The following SH3RF2 variants were observed in gnomAD, a reference collection of about 807,000 sequenced individuals.
The protein encoded by SH3RF2 is E3 ubiquitin-protein ligase SH3RF2.
SH3RF2 carries 43 observed loss-of-function variants against 59.0 expected under a neutral mutation model. The ratio of observed to expected loss-of-function variants is 0.73; its 90% confidence interval spans 0.57 to 0.94. SH3RF2 has a LOEUF of 0.94. Among genes scored for constraint, SH3RF2 ranks in the 40% least tolerant of loss-of-function variants. SH3RF2 has a pLI of 0.00. For synonymous variants in SH3RF2, 391 were observed against 391.5 expected, an observed-to-expected ratio of 1.00 and a Z score of 0.01; for missense variants, 930 against 940.1, an observed-to-expected ratio of 0.99 and a Z score of 0.14.
intron 3 of SH3RF2, among the ~76,000 whole-genome samples, chr5:146,002,791 G>A (rs1760481563): frequency 6.6e-6 from 1 of 152,182 alleles, no homozygotes; most frequent in South Asian, 2.1e-4. Context: ...TGTGAACTGC[G>A]CATGCAAGGG....
intron 4 of SH3RF2, among the ~76,000 whole-genome samples, chr5:146,005,303 T>G (rs939007149): frequency 2.6e-5 from 4 of 152,212 alleles, no homozygotes; most frequent in Non-Finnish European, 2.9e-5. Flanking sequence ...GAGGTTTCAT[T>G]GTTTAGCTGC....
chr5:146,066,893 T>C (rs1219297767), downstream of SH3RF2, among the ~76,000 whole-genome samples: 1 of 152,088 alleles, frequency 6.6e-6, no homozygotes, highest in Non-Finnish European at 1.5e-5. Context: ...CTTTGCCCCG[T>C]GGTCAGACTC....
At chr5:145,953,919 C>T (rs888870445) in intron 2 of SH3RF2, among the ~76,000 whole-genome samples, 9 of 152,124 alleles carry the variant, frequency 5.9e-5, no homozygotes, top group South Asian at 2.1e-4. Flanking sequence ...TAGTATTTCA[C>T]GGTGTATATA....
rs1351720646 is a variant in SH3RF2 at position 145,965,062 on chromosome 5, A to T, written c.378+26756A>T. 2.0e-5 allele frequency among the ~76,000 whole-genome samples: 3 copies of T among 152,034 alleles called. No individual in the cohort carries two copies. The East Asian group carries it at 5.8e-4, about 29-fold the overall frequency. The stretch of plus-strand genomic sequence containing the variant: ...TAAAAAATTAGCCAGGCATGGCAGC[A>T]TGCACCTGTAATCCCAGCTACTCGG... On this transcript the variant is annotated intron_variant, in intron 2 of 9. Coordinates refer to ENST00000359120, the MANE Select transcript of SH3RF2 (RefSeq NM_152550.4).
At position 145,936,664 on chromosome 5, in the gene SH3RF2, A is replaced by T. The variant is rs775787912; in HGVS notation, c.-137A>T. ...CCCTGCTGCGCGGAGGAGGGGGCTG[A>T]GCTGAACTCAGCAGAAGTTACATGC... On this transcript the variant is annotated 5_prime_UTR_variant, in exon 1 of 10. Transcript: ENST00000359120. 2 of 152,290 alleles carry T rather than the reference A, an allele frequency of 1.3e-5. No individual in the cohort carries two copies. The highest frequency in any genetic ancestry group is 2.9e-5 in the Non-Finnish European group (2 of 68,094). The allele number at this position is 152,290 out of a possible 1,614,324, so 9.4% of individuals were successfully genotyped here. A position where few individuals can be genotyped will look rare whatever the true frequency, so the allele number is the denominator to read the frequency against.
chr5:146,040,208 A>G (rs567554386), intron 5 of SH3RF2, among the ~76,000 whole-genome samples: 1 of 152,236 alleles, frequency 6.6e-6, no homozygotes, highest in African/African-American at 2.4e-5. Flanking sequence ...TTTTTATTGT[A>G]TTTCTTAAGT....
chr5:145,954,887 G>C (rs1758333551), intron 2 of SH3RF2, among the ~76,000 whole-genome samples: 1 of 152,082 alleles, frequency 6.6e-6, no homozygotes, highest in African/African-American at 2.4e-5. Context: ...GAGAGAGAGG[G>C]AGAGAGTGGA....
At chr5:145,983,274 C>A (rs1759573765) in intron 2 of SH3RF2, among the ~76,000 whole-genome samples, 1 of 142,938 alleles carries the variant, frequency 7.0e-6, no homozygotes, top group Non-Finnish European at 1.5e-5. Flanking sequence ...TGAGAGCTGA[C>A]TTACCAGCAT....
chr5:146,053,470 C>T (rs35086499), intron 7 of SH3RF2, among the ~76,000 whole-genome samples: 1 of 151,896 alleles, frequency 6.6e-6, no homozygotes, highest in Non-Finnish European at 1.5e-5. Flanking sequence ...GAAATGCAAT[C>T]CTCCTCCTCC....
At chr5:146,001,966 C>G (rs1760434248) in intron 3 of SH3RF2, among the ~76,000 whole-genome samples, 1 of 152,198 alleles carries the variant, frequency 6.6e-6, no homozygotes, top group Non-Finnish European at 1.5e-5. Context: ...CTAGTGCTTT[C>G]TAGCTCAGTA....
At chr5:146,012,715 T>C (rs1366999534) in intron 4 of SH3RF2, among the ~76,000 whole-genome samples, 1 of 152,208 alleles carries the variant, frequency 6.6e-6, no homozygotes, top group East Asian at 1.9e-4. Context: ...TTTGTCAACA[T>C]GTTTCAGATT....
In SH3RF2 at chr5:145,968,480, A is replaced by G. The variant is rs548799641; in HGVS notation, c.378+30174A>G. On this transcript the variant is annotated intron_variant, in intron 2 of 9. Coordinates refer to ENST00000359120, the MANE Select transcript of SH3RF2 (RefSeq NM_152550.4). Reference sequence around the variant, plus strand: ...TATTTTTGTTAACAATTATGTCTATATGTGTTTGTGCATGTATGTGGGTTT... The same window carrying G: ...TATTTTTGTTAACAATTATGTCTATGTGTGTTTGTGCATGTATGTGGGTTT... Among the ~76,000 whole-genome samples the G allele has an allele frequency of 5.3e-5, 8 of 152,300 alleles. No individual in the cohort carries two copies. The South Asian group carries it at 1.2e-3, about 24-fold the overall frequency.
intron 5 of SH3RF2, among the ~76,000 whole-genome samples, chr5:146,027,706 T>C (rs2150001632): frequency 6.6e-6 from 1 of 152,246 alleles, no homozygotes; most frequent in East Asian, 1.9e-4. Context: ...GATCTTCAGG[T>C]GAAAACCTGG....
At chr5:145,943,692 T>TTTTTTGTTTTTG (rs77389676) in intron 2 of SH3RF2, among the ~76,000 whole-genome samples, 210 of 150,842 alleles carry the variant, frequency 1.4e-3, no homozygotes, top group Middle Eastern at 6.8e-3. Flanking sequence ...CCTACTTCAG[T>TTTTTTGTTTTTG]TTTTTGTTTT....
intron 6 of SH3RF2, among the ~76,000 whole-genome samples, 198 bp downstream of exon 6, chr5:146,048,061 CCAGCACTT>C (rs1045878574): frequency 6.6e-6 from 1 of 152,104 alleles, no homozygotes; most frequent in African/African-American, 2.4e-5. Context: ...ACCTGTAATC[CCAGCACTT>C]CAGTAAGCTG....
intron 2 of SH3RF2, among the ~76,000 whole-genome samples, chr5:145,955,462 A>G (rs966997727): frequency 3.3e-5 from 5 of 152,224 alleles, no homozygotes; most frequent in Admixed American, 6.5e-5. Flanking sequence ...TACTATGCTC[A>G]GTACCTGGGT....
chr5:146,054,566 G>A (rs373216639), intron 7 of SH3RF2, among the ~76,000 whole-genome samples: 19 of 152,226 alleles, frequency 1.2e-4, no homozygotes, highest in African/African-American at 2.2e-4. Flanking sequence ...ATGAACAGCC[G>A]TACTCGTTTT....
downstream of SH3RF2, among the ~76,000 whole-genome samples, chr5:146,064,782 AGGAAGGAAGGAAGGAAGG>A (rs1561773688): frequency 1.1e-3 from 18 of 16,728 alleles, no homozygotes; most frequent in African/African-American, 4.0e-3. Context: ...AAGGAAAGGA[AGGAAGGAAGGAAGGAAGG>A]AAGGAAGGAA....
At chr5:145,986,993 A>AGAAG (rs1476053290) in intron 2 of SH3RF2, among the ~76,000 whole-genome samples, 1 of 152,142 alleles carries the variant, frequency 6.6e-6, no homozygotes, top group Non-Finnish European at 1.5e-5. Flanking sequence ...ATTGGCTTGA[A>AGAAG]GAAGGAAGGA....
Sources: allele counts gnomAD v4.1 joint callset (sites outside exome capture counted in the v4.1 genomes callset), GRCh38; gene constraint gnomAD v4.1.1; transcripts MANE v1.5; gene names NCBI Gene and HGNC (gene_info 2026-07-23, HGNC 2026-07-21).